ATXN8OS: variants seen among roughly 807,000 people sequenced by gnomAD.
ATXN8OS encodes ATXN8 opposite strand (non-protein coding).
intron 2 of ATXN8OS, among the ~76,000 whole-genome samples, chr13:70,125,401 A>G (rs183795732): frequency 6.6e-6 from 1 of 152,288 alleles, no homozygotes; most frequent in Admixed American, 6.5e-5. Context: ...TGAATAAGAG[A>G]TCTTTTCCTT....
chr13:70,147,333 G>A (rs960793076), intron 3 of ATXN8OS, among the ~76,000 whole-genome samples: 1 of 152,086 alleles, frequency 6.6e-6, no homozygotes, highest in Non-Finnish European at 1.5e-5. Flanking sequence ...TTGACTAATT[G>A]GAATTTTCTT....
At chr13:70,146,812 C>G (rs1457286759) in intron 3 of ATXN8OS, among the ~76,000 whole-genome samples, 1 of 151,758 alleles carries the variant, frequency 6.6e-6, no homozygotes, top group Non-Finnish European at 1.5e-5. Context: ...ATACCTAATG[C>G]TAAATGACAA....
intron 4 of ATXN8OS, among the ~76,000 whole-genome samples, chr13:70,149,449 G>T (rs893583292): frequency 4.6e-5 from 7 of 152,080 alleles, no homozygotes; most frequent in African/African-American, 7.2e-5. Context: ...ATTTAGTGAG[G>T]TGTTAACAGA....
At chr13:70,131,159 G>A (rs867436248) in intron 3 of ATXN8OS, 35 of 398,470 alleles carry the variant, frequency 8.8e-5, no homozygotes, top group African/African-American at 6.2e-4. Context: ...CAGGAATGGT[G>A]TCCTAAGGAA....
intron 3 of ATXN8OS, among the ~76,000 whole-genome samples, chr13:70,136,988 G>T (rs958866658): frequency 6.6e-6 from 1 of 152,132 alleles, no homozygotes; most frequent in Middle Eastern, 3.2e-3. Flanking sequence ...CTTCTGAGAT[G>T]TGATCACTGT....
chr13:70,135,800 C>A (rs541809517), intron 3 of ATXN8OS, among the ~76,000 whole-genome samples: 1 of 152,084 alleles, frequency 6.6e-6, no homozygotes, highest in South Asian at 2.1e-4. Context: ...AGTGACTAAC[C>A]AGATATATAG....
intron 1 of ATXN8OS, among the ~76,000 whole-genome samples, chr13:70,109,153 T>C (rs1383051022): frequency 6.6e-6 from 1 of 152,240 alleles, no homozygotes; most frequent in African/African-American, 2.4e-5. Flanking sequence ...TAAATGAGAA[T>C]AGCCGAAGGC....
chr13:70,151,310 C>T (rs1888863484), intron 4 of ATXN8OS, among the ~76,000 whole-genome samples: 1 of 152,072 alleles, frequency 6.6e-6, no homozygotes, highest in Admixed American at 6.6e-5. Context: ...TTCTTCCACC[C>T]TTCCCCCGGC....
intron 2 of ATXN8OS, among the ~76,000 whole-genome samples, chr13:70,122,871 A>T (rs1242184721): frequency 6.6e-6 from 1 of 152,076 alleles, no homozygotes; most frequent in Admixed American, 6.6e-5. Flanking sequence ...TTACTCTGAA[A>T]GCAACCAGAC....
chr13:70,138,124 T>C (rs997847424), intron 3 of ATXN8OS, among the ~76,000 whole-genome samples: 2 of 152,050 alleles, frequency 1.3e-5, no homozygotes, highest in Non-Finnish European at 2.9e-5. Flanking sequence ...CAATTCAACA[T>C]GAGATTTGGG....
chr13:70,122,780 C>A (rs1040773528), intron 2 of ATXN8OS, among the ~76,000 whole-genome samples: 4 of 151,770 alleles, frequency 2.6e-5, no homozygotes, highest in Non-Finnish European at 4.4e-5. Context: ...GGGAGAGATA[C>A]AAAGATAGGC....
chr13:70,112,923 T>A (rs1296264895), intron 1 of ATXN8OS, among the ~76,000 whole-genome samples: 10,170 of 85,760 alleles, frequency 0.12, 859 homozygotes, highest in East Asian at 0.43. Flanking sequence ...ATATATAATT[T>A]TTTTTTTTTT....
rs1487817465 is a variant in ATXN8OS, at chr13:70,132,669, G to A, written n.499+2785G>A. On this transcript the variant is annotated intron_variant and non_coding_transcript_variant, in intron 3 of 4. Transcript: ENST00000678624. Reference sequence around the variant, plus strand: ...TGCTCATTGAGATAGACTACATATTGAGAGATTAGCTCTATGAAGATAACA... The same window carrying A: ...TGCTCATTGAGATAGACTACATATTAAGAGATTAGCTCTATGAAGATAACA... Among the ~76,000 whole-genome samples, 5 of 152,236 alleles carry A rather than the reference G, an allele frequency of 3.3e-5. No homozygotes were observed. In the East Asian group the frequency reaches 9.7e-4, roughly 29 times the overall value.
Position 70,145,476 on chromosome 13 carries a change from C to T in ATXN8OS, n.500-1879C>T, listed in dbSNP as rs573320997. Among the ~76,000 whole-genome samples, 879 of 151,854 alleles carry T rather than the reference C, an allele frequency of 5.8e-3. 7 individuals are homozygous for T. Among genetic ancestry groups the T allele is most frequent in the Non-Finnish European group, 9.8e-3 (663 of 67,944 alleles). On this transcript the variant is annotated intron_variant and non_coding_transcript_variant, in intron 3 of 4. Coordinates refer to ENST00000678624, the Ensembl canonical transcript of ATXN8OS. ...ATTTTCACGATATTGATTCTTCCTA[C>T]CCATGAGCATGGAATGTTCTTCCAT...
At chr13:70,149,089 T>C (rs1209779444) in intron 4 of ATXN8OS, among the ~76,000 whole-genome samples, 1 of 152,158 alleles carries the variant, frequency 6.6e-6, no homozygotes, top group East Asian at 1.9e-4. Context: ...GTCTATTTAA[T>C]GTTGATGCCA....
At chr13:70,167,723 CTTTTTT>C (rs4053603) in intron 4 of ATXN8OS, among the ~76,000 whole-genome samples, 3 of 61,882 alleles carry the variant, frequency 4.8e-5, no homozygotes, top group African/African-American at 5.6e-5. Context: ...TATGTAACTT[CTTTTTT>C]TTTTTTTTTT....
intron 3 of ATXN8OS, among the ~76,000 whole-genome samples, chr13:70,138,777 AT>A (rs1387178749): frequency 2.6e-5 from 4 of 152,170 alleles, no homozygotes; most frequent in Admixed American, 6.6e-5. Flanking sequence ...TAGAGGTAAC[AT>A]TTTAACCTTT....
chr13:70,170,696 A>G lies in ATXN8OS; in HGVS notation n.1517A>G, dbSNP rs1309799111. 2.0e-5 allele frequency among the ~76,000 whole-genome samples: 3 copies of G among 152,286 alleles called. No homozygotes were observed. The East Asian group carries it at 5.8e-4, about 29-fold the overall frequency. ...ACAATTTTTAAAATTCAACTTTTAA[A>G]TTTATTTACATATAAAATGAATACA... On this transcript the variant is annotated non_coding_transcript_exon_variant, in exon 5 of 5. Transcript: ENST00000678624.
At chr13:70,143,962 G>A (rs1270310491) in intron 3 of ATXN8OS, among the ~76,000 whole-genome samples, 4 of 151,958 alleles carry the variant, frequency 2.6e-5, no homozygotes, top group Middle Eastern at 3.4e-3. Context: ...TAGCCAAAGC[G>A]GTATGTAAAT....
Sources: allele counts gnomAD v4.1 joint callset (sites outside exome capture counted in the v4.1 genomes callset), GRCh38; gene constraint gnomAD v4.1.1; transcripts MANE v1.5; gene names NCBI Gene and HGNC (gene_info 2026-07-23, HGNC 2026-07-21).